The following RNF150 variants were observed in gnomAD, a reference collection of about 807,000 sequenced individuals.
RNF150 encodes ring finger protein 150.
A neutral mutation model predicts 39.3 loss-of-function variants in RNF150; 24 were observed. That is an observed-to-expected ratio of 0.61 (90% CI 0.44 to 0.86). The LOEUF is 0.86. RNF150 is among the 40% of genes least tolerant of loss of function. RNF150 has a pLI of 0.00. For synonymous variants in RNF150, 255 were observed against 227.3 expected (o/e 1.12, Z -1.10); for missense variants, 502 against 587.8 (o/e 0.85, Z 1.51).
At chr4:140,923,649 C>T (rs1408665569) in intron 5 of RNF150, among the ~76,000 whole-genome samples, 2 of 152,152 alleles carry the variant, frequency 1.3e-5, no homozygotes, top group East Asian at 3.8e-4. Context: ...ATAAATCATG[C>T]TGTTATAAAG....
intron 6 of RNF150, among the ~76,000 whole-genome samples, chr4:140,905,673 T>C (rs1281361759): frequency 1.4e-5 from 2 of 140,492 alleles, no homozygotes; most frequent in African/African-American, 5.2e-5. Context: ...TGTGAGGGGG[T>C]TGCTGCAGGG....
chr4:141,010,695 C>T (rs1406438742), intron 1 of RNF150, among the ~76,000 whole-genome samples: 2 of 152,064 alleles, frequency 1.3e-5, no homozygotes, highest in African/African-American at 4.8e-5. Flanking sequence ...CCAGACCATA[C>T]ATCAAAGTTC....
chr4:141,171,544 T>C (rs936547974), intron 1 of RNF150, among the ~76,000 whole-genome samples: 2 of 152,006 alleles, frequency 1.3e-5, no homozygotes, highest in Admixed American at 6.6e-5. Context: ...ATGGGGGAAC[T>C]GAATCCATTA....
intron 2 of RNF150, among the ~76,000 whole-genome samples, chr4:140,965,108 G>T (rs1733185894): frequency 6.6e-6 from 1 of 152,048 alleles, no homozygotes; most frequent in Admixed American, 6.6e-5. Flanking sequence ...AAAGTAGAGG[G>T]TGAAAACATG....
intron 6 of RNF150, among the ~76,000 whole-genome samples, chr4:140,874,264 G>A (rs1449389040): frequency 1.3e-5 from 2 of 152,054 alleles, no homozygotes; most frequent in Non-Finnish European, 2.9e-5. Flanking sequence ...ATAACAGTGG[G>A]CCCCATGACT....
intron 1 of RNF150, among the ~76,000 whole-genome samples, chr4:141,040,300 A>G (rs1736308517): frequency 6.6e-6 from 1 of 152,132 alleles, no homozygotes; most frequent in East Asian, 1.9e-4. Flanking sequence ...ATTTTCTAAC[A>G]CTGCAATCAT....
In RNF150 at chr4:140,864,303, A is replaced by G. The variant is rs1473075147; in HGVS notation, c.*3958T>C. On this transcript the variant is annotated 3_prime_UTR_variant, in exon 7 of 7. Coordinates refer to ENST00000515673, the MANE Select transcript of RNF150 (RefSeq NM_020724.2). ...CACTGCAGGGGATATCTAACCCTAG[A>G]GATTAAGTCAATGTTCAAAAGCTGT... The G allele has an allele frequency of 6.6e-6, 1 of 152,150 alleles. No individual in the cohort carries two copies. Among genetic ancestry groups the G allele is most frequent in the African/African-American group, 2.4e-5 (1 of 41,428 alleles). 9.4% of individuals were successfully genotyped at this position (152,150 alleles called of 1,614,324 possible).
chr4:141,037,373 A>ATTTATGTTAATGTTATG (rs1227198981), intron 1 of RNF150, among the ~76,000 whole-genome samples: 1 of 152,208 alleles, frequency 6.6e-6, no homozygotes, highest in East Asian at 1.9e-4. Context: ...TACTGGGAAT[A>ATTTATGTTAATGTTATG]TTTATGTTAA....
chr4:141,189,087 T>A (rs1330789345), intron 1 of RNF150, among the ~76,000 whole-genome samples: 4 of 152,208 alleles, frequency 2.6e-5, no homozygotes, highest in South Asian at 2.1e-4. Flanking sequence ...TTTTTGTTGA[T>A]GTTGATGCTA....
At chr4:141,110,338 C>T (rs1739347103) in intron 1 of RNF150, among the ~76,000 whole-genome samples, 2 of 152,258 alleles carry the variant, frequency 1.3e-5, no homozygotes, top group South Asian at 4.1e-4. Flanking sequence ...AACTGCTCTT[C>T]TCTTTGTTTT....
intron 6 of RNF150, among the ~76,000 whole-genome samples, chr4:140,910,155 T>C (rs1730538197): frequency 6.6e-6 from 1 of 152,200 alleles, no homozygotes; most frequent in African/African-American, 2.4e-5. Flanking sequence ...TAGCATGCTT[T>C]CATACATTTT....
At chr4:141,131,569 G>A (rs949803659) in intron 1 of RNF150, among the ~76,000 whole-genome samples, 5 of 152,186 alleles carry the variant, frequency 3.3e-5, no homozygotes, top group Non-Finnish European at 5.9e-5. Context: ...TGGTACCTGC[G>A]ATCATTAACA....
chr4:140,868,433 T>C, intron 6 of RNF150, 54 bp from the exon 7 acceptor site: 1 of 963,454 alleles, frequency 1.0e-6, no homozygotes, highest in Non-Finnish European at 1.7e-6. Flanking sequence ...CTTTGCATGC[T>C]GCTTATTTCA....
At chr4:140,873,934 G>A (rs1011160123) in intron 6 of RNF150, among the ~76,000 whole-genome samples, 1 of 152,098 alleles carries the variant, frequency 6.6e-6, no homozygotes, top group African/African-American at 2.4e-5. Context: ...TTGCCCTGCT[G>A]GGATTACAGG....
intron 1 of RNF150, among the ~76,000 whole-genome samples, chr4:140,985,175 T>C (rs1733979766): frequency 6.6e-6 from 1 of 152,178 alleles, no homozygotes; most frequent in Non-Finnish European, 1.5e-5. Flanking sequence ...ATAATTTGTT[T>C]ACAAAGAGAA....
At chr4:141,065,301 C>T (rs778124985) in intron 1 of RNF150, among the ~76,000 whole-genome samples, 6 of 152,056 alleles carry the variant, frequency 3.9e-5, no homozygotes, top group Non-Finnish European at 8.8e-5. Flanking sequence ...GCTATCTGTG[C>T]GTGAGAGGCA....
At chr4:141,102,370 AT>A (rs147726927) in intron 1 of RNF150, among the ~76,000 whole-genome samples, 1 of 152,060 alleles carries the variant, frequency 6.6e-6, no homozygotes, top group Admixed American at 6.6e-5. Flanking sequence ...ATATTAAATA[AT>A]TTTTCCCTGA....
intron 3 of RNF150, 118 bp downstream of exon 3, chr4:140,949,181 GGA>G: frequency 1.5e-6 from 1 of 662,206 alleles, no homozygotes; most frequent in African/African-American, 1.8e-5. Context: ...GATACTGATA[GGA>G]CAACTGTTAG....
At position 141,167,873 on chromosome 4, in the gene RNF150, A is replaced by G. The variant is rs1413590222; in HGVS notation, c.-6+44921T>C. Among the ~76,000 whole-genome samples, 3 of 152,242 alleles carry G rather than the reference A, an allele frequency of 2.0e-5. No homozygotes were observed. The South Asian group carries it at 6.2e-4, about 32-fold the overall frequency. On this transcript the variant is annotated intron_variant, in intron 1 of 7. Coordinates refer to the RNF150 transcript ENST00000420921. Reference sequence around the variant, plus strand: ...AAACCTAGGAAATACCATTCAGGACATAGGCATGGGCAAAGACTTCATGAT... The same window carrying G: ...AAACCTAGGAAATACCATTCAGGACGTAGGCATGGGCAAAGACTTCATGAT...
Sources: gnomAD v4.1 joint callset for allele counts (sites outside exome capture counted in the v4.1 genomes callset) on GRCh38, gnomAD v4.1.1 for gene constraint, MANE v1.5 for transcripts, NCBI Gene and HGNC (gene_info 2026-07-23, HGNC 2026-07-21) for gene names.